Variants in RFWD3 observed in about 807,000 individuals in gnomAD.
RFWD3 encodes E3 ubiquitin-protein ligase RFWD3.
RFWD3 carries 65 observed loss-of-function variants against 87.7 expected under a neutral mutation model. The ratio of observed to expected loss-of-function variants is 0.74; its 90% CI spans 0.61 to 0.91. The LOEUF is 0.91. Among genes scored for constraint, RFWD3 ranks in the 40% least tolerant of loss-of-function variants. The pLI is 0.00. For missense variants in RFWD3, 1,078 were observed against 938.5 expected (o/e 1.15, Z -1.94); for synonymous variants, 433 against 352.8 (o/e 1.23, Z -2.55).
At chr16:74,662,779 G>T (rs1427264251) in intron 1 of RFWD3, among the ~76,000 whole-genome samples, 1 of 152,226 alleles carries the variant, frequency 6.6e-6, no homozygotes, top group Non-Finnish European at 1.5e-5. Flanking sequence ...AAGAGCATAA[G>T]CTAGGTGACC....
intron 9 of RFWD3, among the ~76,000 whole-genome samples, chr16:74,631,884 C>T (rs998167010): frequency 1.3e-5 from 2 of 152,032 alleles, no homozygotes; most frequent in Non-Finnish European, 2.9e-5. Flanking sequence ...CCTCACAAAG[C>T]GCTAGGATTA....
At chr16:74,632,879 G>A (rs981380483) in intron 8 of RFWD3, 30 of 526,220 alleles carry the variant, frequency 5.7e-5, no homozygotes, top group Non-Finnish European at 1.7e-5. Context: ...CGTAACCTCA[G>A]CTCACTACAA....
intron 6 of RFWD3, among the ~76,000 whole-genome samples, chr16:74,639,355 G>T (rs934692108): frequency 8.5e-5 from 13 of 152,152 alleles, no homozygotes; most frequent in African/African-American, 3.1e-4. Context: ...CCATTTCAAT[G>T]ATTACAACAT....
chr16:74,635,895 G>C (rs1270172446), intron 8 of RFWD3, among the ~76,000 whole-genome samples: 2 of 152,088 alleles, frequency 1.3e-5, no homozygotes, highest in Non-Finnish European at 2.9e-5. Flanking sequence ...AATTAACCTA[G>C]TATTAATAAA....
intron 2 of RFWD3, among the ~76,000 whole-genome samples, chr16:74,659,106 T>C (rs1176470946): frequency 1.3e-5 from 2 of 152,196 alleles, no homozygotes; most frequent in African/African-American, 4.8e-5. Context: ...TTTGGCTCTC[T>C]AGTGGTTCTG....
At chr16:74,637,787 A>G (rs771117691) in intron 7 of RFWD3, 69 bp downstream of exon 7, 21 of 1,124,230 alleles carry the variant, frequency 1.9e-5, no homozygotes, top group East Asian at 1.2e-4. Flanking sequence ...TGAGATGAAC[A>G]TAACTAACAT....
intron 2 of RFWD3, among the ~76,000 whole-genome samples, chr16:74,658,513 C>A (rs764239435): frequency 6.6e-6 from 1 of 152,150 alleles, no homozygotes; most frequent in Non-Finnish European, 1.5e-5. Context: ...ATGTCAAACA[C>A]CACACTGAGA....
chr16:74,635,220 T>C (rs1383791286), intron 8 of RFWD3, among the ~76,000 whole-genome samples: 1 of 151,150 alleles, frequency 6.6e-6, no homozygotes, highest in African/African-American at 2.4e-5. Context: ...GAGCTTGCAG[T>C]GAGCCGAGAT....
rs1244181074 is a variant in RFWD3 at position 74,623,411 on chromosome 16, A to T, written c.*517T>A. On this transcript the variant is annotated 3_prime_UTR_variant, in exon 13 of 13. Coordinates refer to ENST00000361070, the MANE Select transcript of RFWD3 (RefSeq NM_018124.4). Reference sequence around the variant, plus strand: ...TTGTCAGCCTTCAAGGTCAGAAATAAACCGGACACAAGGTTCTACAGTGCC... The same window carrying T: ...TTGTCAGCCTTCAAGGTCAGAAATATACCGGACACAAGGTTCTACAGTGCC... 6.5e-6 allele frequency: 1 copy of T among 152,812 alleles called. No homozygotes were observed. The highest frequency in any genetic ancestry group is 1.5e-5 in the Non-Finnish European group (1 of 68,228). The allele number at this position is 152,812 out of a possible 1,614,324, so 9.5% of individuals were successfully genotyped here.
chr16:74,639,240 G>T (rs1023631158), intron 6 of RFWD3, among the ~76,000 whole-genome samples: 2 of 152,032 alleles, frequency 1.3e-5, no homozygotes, highest in Non-Finnish European at 2.9e-5. Flanking sequence ...GTTTCACCAT[G>T]TTGCCCAGGC....
intron 6 of RFWD3, among the ~76,000 whole-genome samples, chr16:74,639,918 G>A (rs1959484851): frequency 1.3e-5 from 2 of 152,096 alleles, no homozygotes; most frequent in Non-Finnish European, 2.9e-5. Flanking sequence ...TTGAGAGAGA[G>A]ATGGAGACCA....
chr16:74,626,156 T>C (rs1958925831), intron 12 of RFWD3, among the ~76,000 whole-genome samples, 187 bp downstream of exon 12: 1 of 152,046 alleles, frequency 6.6e-6, no homozygotes, highest in Non-Finnish European at 1.5e-5. Context: ...TACAAAGCAA[T>C]ACGGAAAGCA....
chr16:74,654,498 C>G (rs1960817712), intron 2 of RFWD3, among the ~76,000 whole-genome samples: 1 of 152,040 alleles, frequency 6.6e-6, no homozygotes, highest in Non-Finnish European at 1.5e-5. Context: ...CAGCCATTCC[C>G]CTCCCTCCCT....
chr16:74,655,651 G>A (rs1485330317), intron 2 of RFWD3, among the ~76,000 whole-genome samples: 3 of 151,008 alleles, frequency 2.0e-5, no homozygotes, highest in African/African-American at 4.9e-5. Context: ...ATGGAGTCTC[G>A]CTCTGTCACC....
chr16:74,652,355 G>A (rs528125794), intron 2 of RFWD3, among the ~76,000 whole-genome samples: 2 of 151,894 alleles, frequency 1.3e-5, no homozygotes, highest in South Asian at 2.1e-4. Context: ...TGATCCTTCC[G>A]TTAAAAGCTA....
chr16:74,662,098 C>G (rs375910589), intron 1 of RFWD3, among the ~76,000 whole-genome samples: 1 of 151,876 alleles, frequency 6.6e-6, no homozygotes, highest in African/African-American at 2.4e-5. Flanking sequence ...ATCTTTAATT[C>G]CATTGTATCA....
At chr16:74,657,053 AT>A (rs1707327709) in intron 2 of RFWD3, among the ~76,000 whole-genome samples, 1 of 152,160 alleles carries the variant, frequency 6.6e-6, no homozygotes, top group Non-Finnish European at 1.5e-5. Flanking sequence ...AGGGAAAATG[AT>A]TTAGGCTTTT....
intron 6 of RFWD3, 148 bp downstream of exon 6, chr16:74,644,214 G>C (rs569471829): frequency 2.6e-6 from 2 of 760,624 alleles, no homozygotes; most frequent in Non-Finnish European, 4.7e-6. Flanking sequence ...ATAAATAACA[G>C]TGTAAGACAG....
chr16:74,657,758 G>A (rs530697394), intron 2 of RFWD3, among the ~76,000 whole-genome samples: 77 of 152,268 alleles, frequency 5.1e-4, no homozygotes, highest in African/African-American at 1.8e-3. Context: ...ACAGGTGTGA[G>A]CCACTGCGCC....
Sources: gnomAD v4.1 joint callset for allele counts (sites outside exome capture counted in the v4.1 genomes callset) on GRCh38, gnomAD v4.1.1 for gene constraint, MANE v1.5 for transcripts, NCBI Gene and HGNC (gene_info 2026-07-23, HGNC 2026-07-21) for gene names.